Variants in PLPPR1 observed in about 807,000 individuals in gnomAD.
The protein encoded by PLPPR1 is phospholipid phosphatase-related protein type 1.
PLPPR1 carries 10 observed loss-of-function variants against 33.1 expected under a neutral mutation model. The ratio of observed to expected loss-of-function variants is 0.30; its 90% CI spans 0.19 to 0.51. The LOEUF (loss-of-function observed/expected upper bound fraction) is 0.51. Ranked by LOEUF, PLPPR1 falls within the 20% of genes least tolerant of loss-of-function variation. The pLI is 0.97. For synonymous variants in PLPPR1, 151 were observed against 151.0 expected, an observed-to-expected ratio of 1.00 and a Z score of 0.00; for missense variants, 304 against 408.1, an observed-to-expected ratio of 0.74 and a Z score of 2.20.
chr9:101,171,175 G>T (rs1396956278), intron 1 of PLPPR1, among the ~76,000 whole-genome samples: 1 of 152,070 alleles, frequency 6.6e-6, no homozygotes, highest in Non-Finnish European at 1.5e-5. Context: ...TCACTTACTT[G>T]AGGTCCAGGC....
At chr9:101,171,350 TG>T (rs1564164973) in intron 1 of PLPPR1, among the ~76,000 whole-genome samples, 3 of 152,096 alleles carry the variant, frequency 2.0e-5, no homozygotes, top group African/African-American at 4.8e-5. Flanking sequence ...AAGAAAAATG[TG>T]GGGGCCCAGG....
chr9:101,033,414 AT>A (rs1829969742), intron 1 of PLPPR1, among the ~76,000 whole-genome samples: 1 of 152,222 alleles, frequency 6.6e-6, no homozygotes, highest in South Asian at 2.1e-4. Flanking sequence ...CTTGGAAAGC[AT>A]TAGTAGAGAT....
intron 2 of PLPPR1, among the ~76,000 whole-genome samples, chr9:101,214,587 T>G (rs2118773174): frequency 6.6e-6 from 1 of 152,356 alleles, no homozygotes; most frequent in South Asian, 2.1e-4. Context: ...AACATTTTGC[T>G]CAATTGAGAA....
intron 2 of PLPPR1, among the ~76,000 whole-genome samples, chr9:101,196,600 G>T: frequency 6.6e-6 from 1 of 152,168 alleles, no homozygotes; most frequent in East Asian, 1.9e-4. Context: ...GGCGGCTCAC[G>T]CCTGTAATCC....
At chr9:101,030,174 C>G (rs888563157) in intron 1 of PLPPR1, among the ~76,000 whole-genome samples, 4 of 151,698 alleles carry the variant, frequency 2.6e-5, no homozygotes, top group African/African-American at 9.7e-5. Flanking sequence ...CCCGCTGCAC[C>G]CGGGAAAAGC....
chr9:101,168,330 T>C (rs1439124205), intron 1 of PLPPR1, among the ~76,000 whole-genome samples: 1 of 152,168 alleles, frequency 6.6e-6, no homozygotes, highest in Non-Finnish European at 1.5e-5. Flanking sequence ...GTGTCTTTTA[T>C]GTGCTGGCCA....
chr9:101,213,722 A>G (rs1044487505), intron 2 of PLPPR1, among the ~76,000 whole-genome samples: 34 of 152,166 alleles, frequency 2.2e-4, no homozygotes, highest in African/African-American at 8.0e-4. Flanking sequence ...CCATATTGCC[A>G]ATCAGATTCT....
chr9:101,045,039 G>C (rs957323056), intron 1 of PLPPR1, among the ~76,000 whole-genome samples: 8 of 152,112 alleles, frequency 5.3e-5, no homozygotes, highest in African/African-American at 1.9e-4. Flanking sequence ...AATGGAAAGG[G>C]TCAAGGGAGC....
At chr9:101,269,116 C>T (rs1564022498) in intron 2 of PLPPR1, among the ~76,000 whole-genome samples, 1 of 152,110 alleles carries the variant, frequency 6.6e-6, no homozygotes, top group East Asian at 1.9e-4. Context: ...CTCAGTTCCA[C>T]ATACCTGCTA....
Position 101,324,312 on chromosome 9 carries a change from A to G in PLPPR1, c.*255A>G, listed in dbSNP as rs1278626110. On this transcript the variant is annotated 3_prime_UTR_variant, in exon 8 of 8. Transcript: ENST00000374874. ...ATTTTCTTGTTCAAGCGTGCATTGA[A>G]GAACCACATTTATTCAATGGTTGAC... 2 of 380,190 alleles carry G rather than the reference A, an allele frequency of 5.3e-6. No individual in the cohort carries two copies. The highest frequency in any genetic ancestry group is 2.1e-5 in the African/African-American group (1 of 48,186). 23.6% of individuals were successfully genotyped at this position (380,190 alleles called of 1,614,324 possible).
At chr9:101,263,892 C>CT (rs1349523533) in intron 2 of PLPPR1, among the ~76,000 whole-genome samples, 1 of 151,932 alleles carries the variant, frequency 6.6e-6, no homozygotes, top group African/African-American at 2.4e-5. Flanking sequence ...TCTCCTTCTC[C>CT]TTTTCTTCCT....
At chr9:101,293,193 A>G (rs1828552254) in intron 4 of PLPPR1, among the ~76,000 whole-genome samples, 1 of 151,474 alleles carries the variant, frequency 6.6e-6, no homozygotes, top group Non-Finnish European at 1.5e-5. Flanking sequence ...ACAAAGATCA[A>G]AAGAGACAAA....
chr9:101,176,515 C>A (rs1826021896), intron 1 of PLPPR1, among the ~76,000 whole-genome samples: 1 of 152,200 alleles, frequency 6.6e-6, no homozygotes, highest in Non-Finnish European at 1.5e-5. Context: ...ATGCCACCTT[C>A]TTGCAGTATC....
chr9:101,182,157 G>A (rs761528478), intron 1 of PLPPR1, among the ~76,000 whole-genome samples: 6 of 151,468 alleles, frequency 4.0e-5, no homozygotes, highest in South Asian at 2.1e-4. Context: ...GACAAATACC[G>A]TATGATTTCA....
At chr9:101,057,463 A>T (rs1267083785) in intron 1 of PLPPR1, among the ~76,000 whole-genome samples, 1 of 152,148 alleles carries the variant, frequency 6.6e-6, no homozygotes, top group Non-Finnish European at 1.5e-5. Context: ...TCTAGTGAAA[A>T]ATTTAGTATT....
intron 1 of PLPPR1, among the ~76,000 whole-genome samples, chr9:101,041,733 G>A (rs1830080120): frequency 6.6e-6 from 1 of 152,114 alleles, no homozygotes; most frequent in Non-Finnish European, 1.5e-5. Context: ...TCCTGGGGAA[G>A]CTGTGTAAGG....
chr9:101,137,189 G>A (rs986928178), intron 1 of PLPPR1, among the ~76,000 whole-genome samples: 1 of 152,180 alleles, frequency 6.6e-6, no homozygotes, highest in Non-Finnish European at 1.5e-5. Flanking sequence ...AGTCTTAAGA[G>A]CATTCAGAGA....
chr9:101,225,725 G>GC (rs1385623404), intron 2 of PLPPR1, among the ~76,000 whole-genome samples: 3 of 87,476 alleles, frequency 3.4e-5, no homozygotes, highest in South Asian at 4.4e-4. Flanking sequence ...TTATCCCCCC[G>GC]CCCCCCACCC....
Position 101,045,598 on chromosome 9 carries a change from G to A in PLPPR1, c.-46+16496G>A, listed in dbSNP as rs115470942. Reference sequence around the variant, plus strand: ...AAGAAGCATATTTTAACAAGACAGGGTCAGATAAGAGGCTAGCCCCAAAGC... The same window carrying A: ...AAGAAGCATATTTTAACAAGACAGGATCAGATAAGAGGCTAGCCCCAAAGC... On this transcript the variant is annotated intron_variant, in intron 1 of 7. Transcript: ENST00000374874. 2.5e-3 allele frequency among the ~76,000 whole-genome samples: 381 copies of A among 152,328 alleles called. 1 individual carries two copies. Among genetic ancestry groups the A allele is most frequent in the African/African-American group, 8.5e-3 (355 of 41,570 alleles).
Sources: allele counts gnomAD v4.1 joint callset (sites outside exome capture counted in the v4.1 genomes callset), GRCh38; gene constraint gnomAD v4.1.1; transcripts MANE v1.5; gene names NCBI Gene and HGNC (gene_info 2026-07-23, HGNC 2026-07-21).